The following FAT3 variants were observed in gnomAD, a reference collection of about 807,000 sequenced individuals.
The protein encoded by FAT3 is FAT atypical cadherin 3, also known as protocadherin Fat 3.
Under a neutral mutation model 310.2 loss-of-function variants are expected in FAT3, and 95 were observed. The observed-to-expected ratio is 0.31, with a 90% CI of 0.26 to 0.36. The LOEUF is 0.36. Ranked by LOEUF, FAT3 falls within the 10% of genes least tolerant of loss-of-function variation. FAT3 has a pLI of 1.00. For missense variants in FAT3, 5,408 were observed against 5,715.6 expected (o/e 0.95, Z 1.74); for synonymous variants, 2,314 against 2,192.9 (o/e 1.06, Z -1.54).
At chr11:92,715,294 G>A (rs948209186) in intron 4 of FAT3, among the ~76,000 whole-genome samples, 1 of 151,294 alleles carries the variant, frequency 6.6e-6, no homozygotes, top group African/African-American at 2.4e-5. Flanking sequence ...TGTAGTCCCA[G>A]CTACTCAGGA....
intron 3 of FAT3, among the ~76,000 whole-genome samples, chr11:92,574,131 A>G (rs891660258): frequency 6.6e-6 from 1 of 152,162 alleles, no homozygotes; most frequent in Admixed American, 6.6e-5. Context: ...AAAATAGTGT[A>G]GCCATGGATG....
intron 3 of FAT3, among the ~76,000 whole-genome samples, chr11:92,679,571 G>A (rs542675925): frequency 5.3e-5 from 8 of 151,918 alleles, no homozygotes; most frequent in Non-Finnish European, 7.4e-5. Context: ...GGCCAGGCAC[G>A]GTGGCTCACG....
chr11:92,396,867 C>A (rs1382652150), intron 2 of FAT3, among the ~76,000 whole-genome samples: 2 of 152,028 alleles, frequency 1.3e-5, no homozygotes, highest in African/African-American at 4.8e-5. Context: ...CCACCACACC[C>A]AGCTAATTTT....
At chr11:92,315,502 TATATATATATAGAGAGAGAG>T (rs1164214580) in intron 1 of FAT3, among the ~76,000 whole-genome samples, 3 of 91,758 alleles carry the variant, frequency 3.3e-5, no homozygotes, top group South Asian at 4.2e-4. Context: ...TATATATATA[TATATATATATAGAGAGAGAG>T]AGAGAGAGAG....
rs187161752 is a variant in FAT3 at position 92,816,322 on chromosome 11, G to C, written c.9481+6246G>C. On this transcript the variant is annotated intron_variant, in intron 13 of 27. Coordinates refer to ENST00000525166, the MANE Select transcript of FAT3 (RefSeq NM_001367949.2). ...GTCTATCTAGTGACTCAGAAATCTG[G>C]TCCCTCCATCCTGTCATCTCCACCT... Among the ~76,000 whole-genome samples, 39 of 152,254 alleles carry C rather than the reference G, an allele frequency of 2.6e-4. 1 individual carries two copies. The East Asian group carries it at 5.0e-3, about 20-fold the overall frequency.
chr11:92,479,810 A>ATGGC (rs1388967630), intron 2 of FAT3, among the ~76,000 whole-genome samples: 2 of 152,150 alleles, frequency 1.3e-5, no homozygotes, highest in Non-Finnish European at 2.9e-5. Context: ...TAACTCCTAT[A>ATGGC]TGGCCCTGTG....
At chr11:92,450,943 C>G (rs1443848072) in intron 2 of FAT3, among the ~76,000 whole-genome samples, 1 of 152,148 alleles carries the variant, frequency 6.6e-6, no homozygotes, top group Non-Finnish European at 1.5e-5. Flanking sequence ...AAACAGAATC[C>G]TGATCTTTAC....
intron 3 of FAT3, among the ~76,000 whole-genome samples, chr11:92,641,021 A>G (rs1941942197): frequency 6.6e-6 from 1 of 152,150 alleles, no homozygotes; most frequent in African/African-American, 2.4e-5. Flanking sequence ...ACATGGTGAA[A>G]CCCTGTCTCA....
chr11:92,313,235 T>G (rs765118479), intron 1 of FAT3, among the ~76,000 whole-genome samples: 2 of 152,126 alleles, frequency 1.3e-5, no homozygotes, highest in Non-Finnish European at 2.9e-5. Context: ...GAATGCCACA[T>G]AGGAAAACCA....
At chr11:92,674,624 G>A (rs1943230737) in intron 3 of FAT3, among the ~76,000 whole-genome samples, 3 of 152,058 alleles carry the variant, frequency 2.0e-5, no homozygotes, top group African/African-American at 7.3e-5. Flanking sequence ...CAGGGCTCAA[G>A]TGATTCTCCC....
At chr11:92,610,244 A>G (rs2135621282) in intron 3 of FAT3, among the ~76,000 whole-genome samples, 1 of 152,314 alleles carries the variant, frequency 6.6e-6, no homozygotes. Context: ...TTGAGCATCT[A>G]GCCGATGTAT....
At chr11:92,573,152 G>T (rs1254687723) in intron 3 of FAT3, among the ~76,000 whole-genome samples, 1 of 152,128 alleles carries the variant, frequency 6.6e-6, no homozygotes, top group Non-Finnish European at 1.5e-5. Flanking sequence ...GAGAAAGGAT[G>T]CCCATTTCTC....
chr11:92,571,312 A>G (rs1955657624), intron 3 of FAT3, among the ~76,000 whole-genome samples: 1 of 152,074 alleles, frequency 6.6e-6, no homozygotes, highest in South Asian at 2.1e-4. Context: ...AGCCCATACT[A>G]TTCCATGCTG....
At chr11:92,666,670 T>C (rs1226867641) in intron 3 of FAT3, among the ~76,000 whole-genome samples, 1 of 152,098 alleles carries the variant, frequency 6.6e-6, no homozygotes, top group Non-Finnish European at 1.5e-5. Context: ...TTGAAGGACA[T>C]TTAAGACACA....
intron 25 of FAT3, 83 bp from the exon 26 acceptor site, chr11:92,889,106 T>G: frequency 1.6e-6 from 1 of 629,296 alleles, no homozygotes; most frequent in Admixed American, 2.6e-5. Context: ...TTGTTGTTGT[T>G]GTTAAAATAA....
chr11:92,381,520 T>A (rs1247113571), intron 2 of FAT3, among the ~76,000 whole-genome samples: 5 of 152,074 alleles, frequency 3.3e-5, no homozygotes, highest in Non-Finnish European at 5.9e-5. Flanking sequence ...TTTCACCACT[T>A]TTTTTTCACC....
intron 2 of FAT3, among the ~76,000 whole-genome samples, chr11:92,488,028 C>A (rs1417147076): frequency 3.3e-5 from 5 of 152,178 alleles, no homozygotes; most frequent in Non-Finnish European, 5.9e-5. Flanking sequence ...TGGGGTGTCA[C>A]CCTTACGATT....
chr11:92,389,280 A>G (rs552155432), intron 2 of FAT3, among the ~76,000 whole-genome samples: 1 of 150,624 alleles, frequency 6.6e-6, no homozygotes, highest in East Asian at 1.9e-4. Context: ...AGTTCTGGAA[A>G]CTAGGAAGTC....
chr11:92,437,406 A>T (rs1165838810), intron 2 of FAT3, among the ~76,000 whole-genome samples: 1 of 152,230 alleles, frequency 6.6e-6, no homozygotes, highest in African/African-American at 2.4e-5. Context: ...TATTCGCTGC[A>T]TGACCTTGGG....
Sources: gnomAD v4.1 joint callset for allele counts (sites outside exome capture counted in the v4.1 genomes callset) on GRCh38, gnomAD v4.1.1 for gene constraint, MANE v1.5 for transcripts, NCBI Gene and HGNC (gene_info 2026-07-23, HGNC 2026-07-21) for gene names.